SORCS3: variants seen among roughly 807,000 people sequenced by gnomAD.
SORCS3 encodes the protein VPS10 domain-containing receptor SorCS3.
A neutral mutation model predicts 146.3 loss-of-function variants in SORCS3; 57 were observed. That is an observed-to-expected ratio of 0.39 (90% confidence interval 0.31 to 0.49). The LOEUF is 0.49. SORCS3 is among the 20% of genes least tolerant of loss of function. SORCS3 has a pLI of 0.92. For synonymous variants in SORCS3, 653 were observed against 618.5 expected, an observed-to-expected ratio of 1.06 and a Z score of -0.83; for missense variants, 1,341 against 1,575.5, an observed-to-expected ratio of 0.85 and a Z score of 2.52.
intron 2 of SORCS3, among the ~76,000 whole-genome samples, chr10:104,891,495 G>A (rs923470809): frequency 6.6e-6 from 1 of 152,112 alleles, no homozygotes; most frequent in Non-Finnish European, 1.5e-5. Flanking sequence ...CTTCACCTAA[G>A]TTACTTTTCC....
intron 4 of SORCS3, among the ~76,000 whole-genome samples, chr10:105,008,088 G>A (rs1477177914): frequency 1.3e-5 from 2 of 152,104 alleles, no homozygotes; most frequent in Non-Finnish European, 2.9e-5. Flanking sequence ...TAGCATTTCT[G>A]ATTCAGCTTG....
At chr10:105,066,819 C>T in intron 5 of SORCS3, among the ~76,000 whole-genome samples, 1 of 152,056 alleles carries the variant, frequency 6.6e-6, no homozygotes, top group East Asian at 1.9e-4. Flanking sequence ...GCCCCCAGTC[C>T]TTCCCTTCAT....
intron 4 of SORCS3, among the ~76,000 whole-genome samples, chr10:105,027,283 C>T (rs2055237743): frequency 6.6e-6 from 1 of 152,194 alleles, no homozygotes; most frequent in South Asian, 2.1e-4. Context: ...AACGATGCCA[C>T]TGGACTGTAT....
At chr10:105,168,769 T>C (rs1205529149) in intron 13 of SORCS3, among the ~76,000 whole-genome samples, 1 of 152,068 alleles carries the variant, frequency 6.6e-6, no homozygotes, top group Non-Finnish European at 1.5e-5. Flanking sequence ...TCAAAAATGA[T>C]CAAATATTAC....
At position 104,696,496 on chromosome 10, in the gene SORCS3, TATATATA is replaced by T. The variant is rs1392002317; in HGVS notation, c.627+54562_627+54568del. ...AGAATATAGAATATATAATATATAA[TATATATA>T]ATATATAATATATAATATAGAATAT... On this transcript the variant is annotated intron_variant, in intron 1 of 26. Coordinates refer to ENST00000369701, the MANE Select transcript of SORCS3 (RefSeq NM_014978.3). Among the ~76,000 whole-genome samples, 29 of 22,152 alleles carry T rather than the reference TATATATA, an allele frequency of 1.3e-3. 5 individuals are homozygous for T. Among genetic ancestry groups the T allele is most frequent in the African/African-American group, 3.7e-3 (27 of 7,352 alleles). 14.5% of individuals were successfully genotyped at this position (22,152 alleles called of 152,430 possible). A position where few individuals can be genotyped will look rare whatever the true frequency, so the allele number is the denominator to read the frequency against.
At chr10:104,842,200 A>G (rs2018149464) in intron 1 of SORCS3, among the ~76,000 whole-genome samples, 1 of 152,166 alleles carries the variant, frequency 6.6e-6, no homozygotes, top group East Asian at 1.9e-4. Context: ...TGATCTGCTT[A>G]CTCCATAGTA....
intron 1 of SORCS3, among the ~76,000 whole-genome samples, chr10:104,767,248 A>G (rs562426114): frequency 6.6e-6 from 1 of 152,304 alleles, no homozygotes; most frequent in East Asian, 1.9e-4. Context: ...TGATCAGTAA[A>G]TACTTGAGTA....
At chr10:104,866,926 C>T (rs571218677) in intron 2 of SORCS3, among the ~76,000 whole-genome samples, 3 of 152,254 alleles carry the variant, frequency 2.0e-5, no homozygotes, top group East Asian at 3.9e-4. Flanking sequence ...CTTGGGTTGT[C>T]TAGAGTCACT....
chr10:105,182,565 A>G (rs2056449884), intron 14 of SORCS3, among the ~76,000 whole-genome samples: 1 of 152,164 alleles, frequency 6.6e-6, no homozygotes, highest in Non-Finnish European at 1.5e-5. Context: ...GCTGCCAGAC[A>G]CCAAGTCACA....
chr10:104,663,632 T>A (rs546282436), intron 1 of SORCS3, among the ~76,000 whole-genome samples: 2 of 152,308 alleles, frequency 1.3e-5, no homozygotes, highest in African/African-American at 4.8e-5. Context: ...AGCAAAATAC[T>A]GGCCACACAA....
chr10:104,791,045 G>T (rs572903390), intron 1 of SORCS3, among the ~76,000 whole-genome samples: 5 of 152,314 alleles, frequency 3.3e-5, no homozygotes, highest in African/African-American at 1.2e-4. Flanking sequence ...TTTCACAGAT[G>T]AATAAGTGGG....
chr10:104,821,287 A>G (rs1564691366), intron 1 of SORCS3, among the ~76,000 whole-genome samples: 1 of 152,182 alleles, frequency 6.6e-6, no homozygotes, highest in African/African-American at 2.4e-5. Flanking sequence ...GATACCAGAA[A>G]ATATAATGGG....
At chr10:104,960,971 T>C (rs1468895354) in intron 3 of SORCS3, among the ~76,000 whole-genome samples, 1 of 152,188 alleles carries the variant, frequency 6.6e-6, no homozygotes, top group African/African-American at 2.4e-5. Context: ...AATTTCCATT[T>C]ACCATCTCTT....
intron 8 of SORCS3, among the ~76,000 whole-genome samples, chr10:105,140,479 A>T (rs1452456461): frequency 6.6e-6 from 1 of 152,164 alleles, no homozygotes; most frequent in Admixed American, 6.5e-5. Flanking sequence ...GAAAAAAAAG[A>T]TACTGAATAA....
intron 24 of SORCS3, among the ~76,000 whole-genome samples, chr10:105,256,439 C>T (rs766427776): frequency 2.6e-5 from 4 of 152,192 alleles, no homozygotes; most frequent in Non-Finnish European, 5.9e-5. Context: ...GAGAATGAAA[C>T]ACTGCATTAG....
intron 1 of SORCS3, among the ~76,000 whole-genome samples, chr10:104,808,984 T>C (rs1443972922): frequency 1.3e-5 from 2 of 152,166 alleles, no homozygotes; most frequent in Non-Finnish European, 2.9e-5. Context: ...TTGGCTATAG[T>C]AAAATGAGGG....
intron 7 of SORCS3, among the ~76,000 whole-genome samples, chr10:105,129,444 C>G (rs703482): frequency 0.9 from 134,833 of 150,512 alleles, 60,683 homozygotes; most frequent in East Asian, 1. Flanking sequence ...CAAGTTTGAA[C>G]ATTTCTCTTT....
chr10:104,735,664 T>C (rs2016762906), intron 1 of SORCS3, among the ~76,000 whole-genome samples: 1 of 152,054 alleles, frequency 6.6e-6, no homozygotes, highest in East Asian at 1.9e-4. Context: ...TGAAAGCGGC[T>C]GCTGAGCCCC....
intron 4 of SORCS3, among the ~76,000 whole-genome samples, chr10:104,978,446 C>G (rs548013019): frequency 6.6e-6 from 1 of 152,290 alleles, no homozygotes; most frequent in African/African-American, 2.4e-5. Context: ...GCCTCAAAAC[C>G]TCTCAACTCA....
Sources: gnomAD v4.1 joint callset for allele counts (sites outside exome capture counted in the v4.1 genomes callset) on GRCh38, gnomAD v4.1.1 for gene constraint, MANE v1.5 for transcripts, NCBI Gene and HGNC (gene_info 2026-07-23, HGNC 2026-07-21) for gene names.